CSMD2: variants seen among roughly 807,000 people sequenced by gnomAD.
CSMD2 encodes the protein CUB and sushi domain-containing protein 2.
A neutral mutation model predicts 398.5 loss-of-function variants in CSMD2; 130 were observed. That is an observed-to-expected ratio of 0.33 (90% confidence interval 0.28 to 0.38). The LOEUF (loss-of-function observed/expected upper bound fraction) is 0.38, where lower values mean the gene tolerates loss of function less well. Ranked by LOEUF, CSMD2 falls within the 10% of genes least tolerant of loss-of-function variation. The probability of loss-of-function intolerance (pLI) is 1.00; values close to 1 mark genes in which losing one functional copy is unlikely to be tolerated. For synonymous variants in CSMD2, 1,828 were observed against 1,908.5 expected (o/e 0.96, Z 1.10); for missense variants, 3,829 against 4,764.9 (o/e 0.80, Z 5.78).
intron 13 of CSMD2, among the ~76,000 whole-genome samples, chr1:33,764,025 A>T (rs965347665): frequency 6.6e-6 from 1 of 152,132 alleles, no homozygotes; most frequent in Non-Finnish European, 1.5e-5. Flanking sequence ...GGTCAAGGAT[A>T]TACTTTGCCG....
At chr1:34,041,645 T>TA (rs1427254358) in intron 2 of CSMD2, among the ~76,000 whole-genome samples, 1 of 152,060 alleles carries the variant, frequency 6.6e-6, no homozygotes, top group Non-Finnish European at 1.5e-5. Context: ...AAGGAGACCC[T>TA]AAAAGACCCC....
intron 3 of CSMD2, among the ~76,000 whole-genome samples, chr1:34,011,967 G>A (rs1396413376): frequency 6.6e-6 from 1 of 152,146 alleles, no homozygotes; most frequent in Non-Finnish European, 1.5e-5. Context: ...CAAGGCACCT[G>A]AGTGATAGAA....
At chr1:33,592,005 A>C (rs1639492546) in intron 44 of CSMD2, 1 of 225,158 alleles carries the variant, frequency 4.4e-6, no homozygotes, top group Non-Finnish European at 8.9e-6. Flanking sequence ...ATATCTTTGC[A>C]TAATTCCCAG....
chr1:33,706,363 C>T (rs778560093), intron 22 of CSMD2, among the ~76,000 whole-genome samples: 4 of 151,982 alleles, frequency 2.6e-5, no homozygotes, highest in South Asian at 2.1e-4. Flanking sequence ...TACCATCTTC[C>T]GTTCATTGCC....
At chr1:34,115,674 A>G (rs1282419087) in intron 1 of CSMD2, among the ~76,000 whole-genome samples, 1 of 152,164 alleles carries the variant, frequency 6.6e-6, no homozygotes, top group Non-Finnish European at 1.5e-5. Context: ...ATAGACAAAT[A>G]GAATCTTGTA....
rs1160754372 is a variant in CSMD2 at position 34,089,278 on chromosome 1, T to G, written c.188-85A>C. On this transcript the variant is annotated intron_variant, in intron 1 of 70. Transcript: ENST00000373381. ...GAGTCAGGAGCAATGTGTTAGCAAA[T>G]CATGAACCCACTTTTCCAAGTGCTT... 9.2e-6 allele frequency: 12 copies of G among 1,305,698 alleles called. No individual in the cohort carries two copies. In the Admixed American group the frequency reaches 2.0e-4, roughly 22 times the overall value. 80.9% of individuals were successfully genotyped at this position (1,305,698 alleles called of 1,614,324 possible).
At chr1:34,057,195 G>A (rs1653929814) in intron 2 of CSMD2, among the ~76,000 whole-genome samples, 1 of 152,086 alleles carries the variant, frequency 6.6e-6, no homozygotes, top group African/African-American at 2.4e-5. Context: ...AGTCCCTTGA[G>A]CACCACAGCC....
At chr1:33,642,245 G>C (rs749918980) in intron 29 of CSMD2, among the ~76,000 whole-genome samples, 11 of 151,780 alleles carry the variant, frequency 7.2e-5, no homozygotes, top group Non-Finnish European at 1.2e-4. Flanking sequence ...TACTCAGGAG[G>C]CTAAGGCAAG....
intron 25 of CSMD2, among the ~76,000 whole-genome samples, chr1:33,671,442 C>T (rs1571165150): frequency 6.6e-6 from 1 of 152,238 alleles, no homozygotes; most frequent in South Asian, 2.1e-4. Flanking sequence ...CCCTGAAATT[C>T]TGCTTGCTCT....
chr1:33,889,753 CTG>C (rs55771161), intron 5 of CSMD2, among the ~76,000 whole-genome samples: 56,921 of 147,884 alleles, frequency 0.38, 11,689 homozygotes, highest in East Asian at 0.56. Context: ...ACCTCCTATC[CTG>C]TGTGTGTGTG....
rs898611076 is a variant in CSMD2 at position 34,129,574 on chromosome 1, C to T, written c.187+35337G>A. Among the ~76,000 whole-genome samples, 289 of 152,290 alleles carry T rather than the reference C, an allele frequency of 1.9e-3. 2 individuals are homozygous for T. The highest frequency in any genetic ancestry group is 6.4e-3 in the African/African-American group (267 of 41,566). ...GGCTGAGGCAGGAGAATGGCATGAA[C>T]CCGGGAGGCGGAGCTTGCAGTGAGC... On this transcript the variant is annotated intron_variant, in intron 1 of 70. Coordinates refer to ENST00000373381, the MANE Select transcript of CSMD2 (RefSeq NM_001281956.2).
At chr1:34,065,712 G>A (rs1423832507) in intron 2 of CSMD2, among the ~76,000 whole-genome samples, 2 of 152,128 alleles carry the variant, frequency 1.3e-5, no homozygotes, top group African/African-American at 4.8e-5. Context: ...ACTGTACCCA[G>A]GACACAGTAA....
intron 28 of CSMD2, among the ~76,000 whole-genome samples, chr1:33,648,555 A>G (rs1026199157): frequency 7.2e-5 from 11 of 152,194 alleles, no homozygotes; most frequent in African/African-American, 2.7e-4. Flanking sequence ...AGCAAAGGTC[A>G]AGGTAATGGG....
intron 2 of CSMD2, among the ~76,000 whole-genome samples, chr1:34,060,188 A>T (rs1227350237): frequency 6.6e-6 from 1 of 152,102 alleles, no homozygotes; most frequent in African/African-American, 2.4e-5. Context: ...AGGGGAATGA[A>T]CATCCTAAGA....
chr1:33,759,546 C>T (rs1268875631), intron 13 of CSMD2, among the ~76,000 whole-genome samples: 5 of 151,968 alleles, frequency 3.3e-5, no homozygotes, highest in South Asian at 4.2e-4. Flanking sequence ...AGGATGGTCT[C>T]GATCTCCTGA....
chr1:33,715,005 C>T lies in CSMD2; in HGVS notation c.3218-230G>A, dbSNP rs556860014. ...AGAAACATGGGGAAGCACGGGGAGGCAGAGGCAGAGAGAAGCACGGGGAGG... is the reference window on the plus strand; with the variant it reads ...AGAAACATGGGGAAGCACGGGGAGGTAGAGGCAGAGAGAAGCACGGGGAGG... On this transcript the variant is annotated intron_variant, in intron 20 of 70. Coordinates refer to ENST00000373381, the MANE Select transcript of CSMD2 (RefSeq NM_001281956.2). 1.1e-4 allele frequency among the ~76,000 whole-genome samples: 17 copies of T among 152,196 alleles called. No individual in the cohort carries two copies. The South Asian group carries it at 3.3e-3, about 30-fold the overall frequency.
At chr1:33,712,305 G>A (rs1167159724) in intron 21 of CSMD2, among the ~76,000 whole-genome samples, 2 of 152,048 alleles carry the variant, frequency 1.3e-5, no homozygotes, top group Non-Finnish European at 2.9e-5. Context: ...CCTGATGTCA[G>A]GGGCTATGTC....
At chr1:33,750,601 A>C (rs141640254) in intron 13 of CSMD2, among the ~76,000 whole-genome samples, 1 of 152,294 alleles carries the variant, frequency 6.6e-6, no homozygotes, top group East Asian at 1.9e-4. Context: ...ACATATTATA[A>C]AGCTGTAATA....
At chr1:34,055,714 C>A (rs559012192) in intron 2 of CSMD2, among the ~76,000 whole-genome samples, 1 of 152,312 alleles carries the variant, frequency 6.6e-6, no homozygotes, top group Non-Finnish European at 1.5e-5. Context: ...TCCATGTGTT[C>A]TGCTATCTGG....
Sources: gnomAD v4.1 joint callset for allele counts (sites outside exome capture counted in the v4.1 genomes callset) on GRCh38, gnomAD v4.1.1 for gene constraint, MANE v1.5 for transcripts, NCBI Gene and HGNC (gene_info 2026-07-23, HGNC 2026-07-21) for gene names.